MAGI1: variants seen among roughly 807,000 people sequenced by gnomAD.
MAGI1 encodes membrane-associated guanylate kinase, WW and PDZ domain-containing protein 1.
In MAGI1, 58 loss-of-function variants were observed where a neutral mutation model predicts 139.9. That is an observed-to-expected ratio of 0.41 (90% CI 0.34 to 0.52). MAGI1 has a LOEUF of 0.52. Ranked by LOEUF, MAGI1 falls within the 20% of genes least tolerant of loss-of-function variation. MAGI1 has a pLI of 0.12. For missense variants in MAGI1, 1,874 were observed against 1,901.6 expected, an observed-to-expected ratio of 0.99 and a Z score of 0.27; for synonymous variants, 812 against 737.9, an observed-to-expected ratio of 1.10 and a Z score of -1.63.
rs555186167 is a variant in MAGI1, at chr3:65,364,165, TAAA to T, written c.3351+497_3351+499del. 2.1e-3 allele frequency among the ~76,000 whole-genome samples: 188 copies of T among 89,440 alleles called. 1 individual carries two copies. The highest frequency in any genetic ancestry group is 7.6e-3 in the African/African-American group (170 of 22,268). The allele number at this position is 89,440 out of a possible 152,430, so 58.7% of individuals were successfully genotyped here. A position where few individuals can be genotyped will look rare whatever the true frequency, so the allele number is the denominator to read the frequency against. ...GCAGCACAGTGAGACCCCTGTCTCT[TAAA>T]AAAAAAAAAAAAAAAAAAAAAAAAG... On this transcript the variant is annotated intron_variant, in intron 20 of 22. Coordinates refer to ENST00000402939, the MANE Select transcript of MAGI1 (RefSeq NM_001033057.2).
intron 2 of MAGI1, among the ~76,000 whole-genome samples, chr3:65,527,337 TGGGAGGCTGAGGCAGGTGGATCACTTGA>T (rs1006581031): frequency 3.3e-5 from 5 of 152,202 alleles, no homozygotes; most frequent in Admixed American, 3.3e-4. Context: ...CCCAGCACTT[TGGGAGGCTGAGGCAGGTGGATCACTTGA>T]GGTTAGGAGT....
chr3:65,405,004 G>T (rs1195187694), intron 12 of MAGI1, among the ~76,000 whole-genome samples: 1 of 152,140 alleles, frequency 6.6e-6, no homozygotes, highest in Non-Finnish European at 1.5e-5. Flanking sequence ...GGGCTTGTCT[G>T]GTCCATTCAG....
At chr3:65,734,570 G>GA (rs2034544595) in intron 1 of MAGI1, among the ~76,000 whole-genome samples, 3 of 145,942 alleles carry the variant, frequency 2.1e-5, no homozygotes, top group African/African-American at 7.6e-5. Context: ...AGAGAGAGAG[G>GA]GAGAGAGAGA....
chr3:65,768,065 C>A (rs1405058766), intron 1 of MAGI1, among the ~76,000 whole-genome samples: 2 of 152,134 alleles, frequency 1.3e-5, no homozygotes, highest in African/African-American at 2.4e-5. Flanking sequence ...TGTTTTAACA[C>A]AACCAAAATA....
At chr3:65,719,434 A>G (rs1038080725) in intron 1 of MAGI1, among the ~76,000 whole-genome samples, 1 of 151,962 alleles carries the variant, frequency 6.6e-6, no homozygotes, top group Non-Finnish European at 1.5e-5. Context: ...TGCTTTCTAC[A>G]ATTTACATCA....
At chr3:65,680,427 T>C (rs2087499150) in intron 1 of MAGI1, among the ~76,000 whole-genome samples, 1 of 152,194 alleles carries the variant, frequency 6.6e-6, no homozygotes, top group African/African-American at 2.4e-5. Flanking sequence ...GATTGATGTA[T>C]TAATTTAAAG....
intron 2 of MAGI1, among the ~76,000 whole-genome samples, chr3:65,516,876 C>T (rs962437398): frequency 4.5e-5 from 6 of 133,654 alleles, no homozygotes; most frequent in South Asian, 5.5e-4. Flanking sequence ...TACAGGCGCC[C>T]GCCACTACGC....
intron 2 of MAGI1, among the ~76,000 whole-genome samples, chr3:65,614,944 C>G (rs552789104): frequency 3.1e-4 from 47 of 151,606 alleles, no homozygotes; most frequent in Non-Finnish European, 6.0e-4. Context: ...ATCACTTGAG[C>G]CCAGGAGTTG....
Position 65,391,309 on chromosome 3 carries a change from G to C in MAGI1, c.2249C>G (p.Ser750Cys). The C allele has an allele frequency of 6.2e-7, 1 of 1,614,200 alleles. No individual in the cohort carries two copies. Among genetic ancestry groups the C allele is most frequent in the Non-Finnish European group, 8.5e-7 (1 of 1,180,042 alleles). ...DSQNSSQHSVSSHRSLHTASP... is the reference protein window; with the variant it reads ...DSQNSSQHSVCSHRSLHTASP... ...TGCTGTGTGCAGGCTTCGGTGGCTG[G>C]AAACACTGTGCTGAGAACTATTCTG... The change falls in exon 14 of 23, where the codon TCC (serine) becomes TGC (cysteine). Residue 750 changes from serine (S) to cysteine (C), a missense_variant. Transcript: ENST00000402939.
At chr3:65,810,640 G>C (rs1181069005) in intron 1 of MAGI1, among the ~76,000 whole-genome samples, 2 of 152,224 alleles carry the variant, frequency 1.3e-5, no homozygotes, top group Non-Finnish European at 2.9e-5. Context: ...AATGGTGGGA[G>C]TCTATCGCCG....
chr3:65,574,007 T>TAA (rs2081072634), intron 2 of MAGI1, among the ~76,000 whole-genome samples: 1 of 151,920 alleles, frequency 6.6e-6, no homozygotes, highest in African/African-American at 2.4e-5. Context: ...TCTGGCCTTT[T>TAA]AAGAAAGTTT....
Position 65,545,974 on chromosome 3 carries a change from TCACACACACACACACACACG to T in MAGI1, c.431-52363_431-52344del, listed in dbSNP as rs1377532210. Among the ~76,000 whole-genome samples the T allele has an allele frequency of 6.6e-3, 969 of 146,020 alleles. 4 individuals are homozygous for T. The highest frequency in any genetic ancestry group is 0.011 in the Non-Finnish European group (736 of 66,504). On this transcript the variant is annotated intron_variant, in intron 2 of 22. Coordinates refer to ENST00000402939, the MANE Select transcript of MAGI1 (RefSeq NM_001033057.2). ...TACATGGGCATAATGGGGTATGATCTCACACACACACACACACACGCACACACACACACACACACACTCTC... is the reference window on the plus strand; with the variant it reads ...TACATGGGCATAATGGGGTATGATCTCACACACACACACACACACACTCTC...
Position 65,761,161 on chromosome 3 carries a change from C to T in MAGI1, c.314-139073G>A, listed in dbSNP as rs145789142. 3.5e-3 allele frequency among the ~76,000 whole-genome samples: 531 copies of T among 152,262 alleles called. 3 individuals are homozygous for T. Among genetic ancestry groups the T allele is most frequent in the African/African-American group, 0.012 (480 of 41,552 alleles). On this transcript the variant is annotated intron_variant, in intron 1 of 22. Transcript: ENST00000402939. ...TCAAGTCCTCTTGACTTTCACCAGG[C>T]ACATTCAATTTCCAGAGCGCCCTGG...
chr3:65,878,379 G>C (rs980720536), intron 1 of MAGI1, among the ~76,000 whole-genome samples: 1 of 152,076 alleles, frequency 6.6e-6, no homozygotes. Context: ...AGCCAGGCAT[G>C]GTGGTGGGTG....
At chr3:65,596,250 G>A (rs1047101611) in intron 2 of MAGI1, among the ~76,000 whole-genome samples, 34 of 152,160 alleles carry the variant, frequency 2.2e-4, no homozygotes, top group African/African-American at 7.7e-4. Flanking sequence ...GGGTTACCAT[G>A]TGCATATGGA....
At chr3:65,736,571 TG>T in intron 1 of MAGI1, among the ~76,000 whole-genome samples, 1 of 152,004 alleles carries the variant, frequency 6.6e-6, no homozygotes, top group South Asian at 2.1e-4. Flanking sequence ...GAACCTGGGG[TG>T]GGTAAGGGCA....
At position 65,746,005 on chromosome 3, in the gene MAGI1, C is replaced by T. The variant is rs1050726204; in HGVS notation, c.314-123917G>A. On this transcript the variant is annotated intron_variant, in intron 1 of 22. Coordinates refer to ENST00000402939, the MANE Select transcript of MAGI1 (RefSeq NM_001033057.2). Reference sequence around the variant, plus strand: ...TCAGCTTCCCAAAGTGCTGGGATTGCAGGCATGAGCCACTGCACCTGGCCA... The same window carrying T: ...TCAGCTTCCCAAAGTGCTGGGATTGTAGGCATGAGCCACTGCACCTGGCCA... Among the ~76,000 whole-genome samples, 7 of 152,086 alleles carry T rather than the reference C, an allele frequency of 4.6e-5. No homozygotes were observed. In the South Asian group the frequency reaches 1.2e-3, roughly 27 times the overall value.
At chr3:65,544,762 G>A (rs968201748) in intron 2 of MAGI1, among the ~76,000 whole-genome samples, 2 of 152,066 alleles carry the variant, frequency 1.3e-5, no homozygotes, top group Admixed American at 6.6e-5. Context: ...TGATAGCACC[G>A]GGCCAGTTCC....
At chr3:65,658,594 T>C (rs2086017661) in intron 1 of MAGI1, among the ~76,000 whole-genome samples, 1 of 152,210 alleles carries the variant, frequency 6.6e-6, no homozygotes, top group African/African-American at 2.4e-5. Context: ...TCAGTAGGAC[T>C]GGGATGAGTC....
Sources: allele counts gnomAD v4.1 joint callset (sites outside exome capture counted in the v4.1 genomes callset), GRCh38; gene constraint gnomAD v4.1.1; transcripts MANE v1.5; gene names NCBI Gene and HGNC (gene_info 2026-07-23, HGNC 2026-07-21).